SHISAL1: variants seen among roughly 807,000 people sequenced by gnomAD.
SHISAL1 encodes the protein protein shisa-like-1.
Under a neutral mutation model 22.6 loss-of-function variants are expected in SHISAL1, and 9 were observed. The observed-to-expected ratio is 0.40, with a 90% CI of 0.24 to 0.70. SHISAL1 has a LOEUF of 0.70. SHISAL1 is among the 30% of genes least tolerant of loss of function. SHISAL1 has a pLI of 0.39. For missense variants in SHISAL1, 246 were observed against 270.6 expected, an observed-to-expected ratio of 0.91 and a Z score of 0.64; for synonymous variants, 119 against 115.4, an observed-to-expected ratio of 1.03 and a Z score of -0.20.
At chr22:44,299,679 C>T (rs902855296) in intron 2 of SHISAL1, among the ~76,000 whole-genome samples, 22 of 151,780 alleles carry the variant, frequency 1.4e-4, no homozygotes, top group African/African-American at 5.1e-4. Context: ...TTAGAGCATG[C>T]GGGCATGAGG....
the SHISAL1 span, among the ~76,000 whole-genome samples, chr22:44,330,393 C>T: frequency 6.6e-6 from 1 of 152,178 alleles, no homozygotes; most frequent in African/African-American, 2.4e-5. Context: ...GGCTGGGATG[C>T]CTTTAAGTGA....
At chr22:44,252,791 A>G (rs2055057358) in intron 4 of SHISAL1, among the ~76,000 whole-genome samples, 1 of 151,934 alleles carries the variant, frequency 6.6e-6, no homozygotes. Flanking sequence ...TCAGGAGTTC[A>G]AGACCAGCCT....
At chr22:44,318,654 T>C in the SHISAL1 span, among the ~76,000 whole-genome samples, 2 of 152,220 alleles carry the variant, frequency 1.3e-5, no homozygotes, top group Admixed American at 1.3e-4. Flanking sequence ...TATGTGAAAC[T>C]CAGAGCCCAC....
intron 3 of SHISAL1, among the ~76,000 whole-genome samples, chr22:44,290,805 C>T (rs2147294807): frequency 6.6e-6 from 1 of 152,150 alleles, no homozygotes; most frequent in African/African-American, 2.4e-5. Flanking sequence ...AGAGACAGAC[C>T]CCTGGAATGC....
chr22:44,263,925 C>T (rs1961290460), intron 4 of SHISAL1, among the ~76,000 whole-genome samples: 2 of 152,300 alleles, frequency 1.3e-5, no homozygotes, highest in East Asian at 1.9e-4. Flanking sequence ...ACAGCAGCTA[C>T]GGGACACTCA....
chr22:44,307,888 G>A (rs949367586), intron 1 of SHISAL1, among the ~76,000 whole-genome samples: 1 of 152,162 alleles, frequency 6.6e-6, no homozygotes, highest in Non-Finnish European at 1.5e-5. Context: ...TGCGGGGAGG[G>A]GCTGAGGCCT....
intron 4 of SHISAL1, among the ~76,000 whole-genome samples, chr22:44,273,050 C>T (rs993793589): frequency 4.0e-5 from 6 of 151,640 alleles, no homozygotes; most frequent in East Asian, 1.9e-4. Context: ...GAGCTGAGAT[C>T]GCACCACTGC....
At chr22:44,259,109 C>T (rs1027988467) in intron 4 of SHISAL1, among the ~76,000 whole-genome samples, 1 of 152,182 alleles carries the variant, frequency 6.6e-6, no homozygotes, top group Non-Finnish European at 1.5e-5. Context: ...CTGCTATGTT[C>T]TTAGGTGGAA....
chr22:44,285,664 C>A lies in SHISAL1; in HGVS notation c.363G>T (p.Ser121=). The change falls in exon 4 of 5, where the codon TCG becomes TCT. Residue 121 remains serine, a synonymous_variant. Coordinates refer to ENST00000381176, the MANE Select transcript of SHISAL1 (RefSeq NM_001099294.2). ...CCTTGCAGATGTCGTAGTTCATTGC[C>A]GAGTAATACAAAAGGTCCAGAACCA... ...MLLVLDLLYY[S]AMNYDICKVY... The A allele has an allele frequency of 6.2e-7, 1 of 1,614,168 alleles. No individual in the cohort carries two copies. Among genetic ancestry groups the A allele is most frequent in the Non-Finnish European group, 8.5e-7 (1 of 1,179,990 alleles).
the SHISAL1 span, among the ~76,000 whole-genome samples, chr22:44,328,181 C>A: frequency 6.6e-6 from 1 of 152,112 alleles, no homozygotes; most frequent in Non-Finnish European, 1.5e-5. Flanking sequence ...AGTGAGACTG[C>A]GGGGCCCCTG....
rs540006765 is a variant in SHISAL1 at position 44,253,738 on chromosome 22, G to A, written c.*-4053C>T. Among the ~76,000 whole-genome samples, 8 of 151,786 alleles carry A rather than the reference G, an allele frequency of 5.3e-5. No individual in the cohort carries two copies. The South Asian group carries it at 1.0e-3, about 20-fold the overall frequency. ...ATTACAGGCATGAGCCACCATGCCC[G>A]GCCTAGTGCATTTCAATTCACCTTT... On this transcript the variant is annotated intron_variant, in intron 4 of 4. Transcript: ENST00000381176.
At chr22:44,263,411 A>G (rs2055140190) in intron 4 of SHISAL1, among the ~76,000 whole-genome samples, 1 of 152,188 alleles carries the variant, frequency 6.6e-6, no homozygotes, top group Middle Eastern at 3.2e-3. Flanking sequence ...CAGGGACCTG[A>G]AAGGGGGAGA....
chr22:44,330,945 C>G, the SHISAL1 span, among the ~76,000 whole-genome samples: 1 of 152,040 alleles, frequency 6.6e-6, no homozygotes, highest in East Asian at 2.0e-4. Flanking sequence ...CCTGCGCTGC[C>G]CAGCTGGGAC....
the SHISAL1 span, among the ~76,000 whole-genome samples, chr22:44,322,048 T>G: frequency 6.6e-6 from 1 of 152,102 alleles, no homozygotes; most frequent in East Asian, 1.9e-4. Flanking sequence ...CCAGCACCCC[T>G]CCTGACCACA....
chr22:44,293,944 C>T (rs150545895), intron 3 of SHISAL1, among the ~76,000 whole-genome samples: 1,583 of 152,322 alleles, frequency 0.01, 12 homozygotes, highest in Non-Finnish European at 0.014. Flanking sequence ...TGGAGTGTTC[C>T]GTGTGAAATC....
At chr22:44,260,364 G>A (rs1364079235) in intron 4 of SHISAL1, among the ~76,000 whole-genome samples, 2 of 152,234 alleles carry the variant, frequency 1.3e-5, no homozygotes, top group Non-Finnish European at 2.9e-5. Flanking sequence ...GTGCTGCACA[G>A]GAAGGGAAGA....
intron 4 of SHISAL1, among the ~76,000 whole-genome samples, chr22:44,269,078 G>T (rs962374467): frequency 6.6e-6 from 1 of 151,896 alleles, no homozygotes; most frequent in Non-Finnish European, 1.5e-5. Flanking sequence ...TACTGCCCGG[G>T]ACAGTAAACA....
intron 3 of SHISAL1, among the ~76,000 whole-genome samples, chr22:44,294,354 T>C (rs1465635627): frequency 6.6e-6 from 1 of 152,198 alleles, no homozygotes; most frequent in Non-Finnish European, 1.5e-5. Flanking sequence ...GGCTTCCCCC[T>C]GAGTGAATGC....
At chr22:44,289,501 G>T (rs2055338670) in intron 3 of SHISAL1, among the ~76,000 whole-genome samples, 2 of 115,434 alleles carry the variant, frequency 1.7e-5, no homozygotes, top group South Asian at 5.6e-4. Flanking sequence ...TGTGTTTACT[G>T]CCGGGCTCCT....
Sources: allele counts gnomAD v4.1 joint callset (sites outside exome capture counted in the v4.1 genomes callset), GRCh38; gene constraint gnomAD v4.1.1; transcripts MANE v1.5; gene names NCBI Gene and HGNC (gene_info 2026-07-23, HGNC 2026-07-21).